Variants in PSD3 observed in about 807,000 individuals in gnomAD.
PSD3 encodes PH and SEC7 domain-containing protein 3.
Under a neutral mutation model 105.5 loss-of-function variants are expected in PSD3, and 49 were observed. The observed-to-expected ratio is 0.46, with a 90% CI of 0.37 to 0.59. The LOEUF is 0.59. Ranked by LOEUF, PSD3 falls within the 20% of genes least tolerant of loss-of-function variation. The pLI is 0.00. For missense variants in PSD3, 1,561 were observed against 1,263.8 expected (o/e 1.24, Z -3.57); for synonymous variants, 557 against 457.8 (o/e 1.22, Z -2.77).
intron 14 of PSD3, among the ~76,000 whole-genome samples, chr8:18,561,141 G>T (rs1054683330): frequency 6.6e-6 from 1 of 152,192 alleles, no homozygotes; most frequent in Non-Finnish European, 1.5e-5. Flanking sequence ...CATTCTCATG[G>T]TGAGACCATG....
Position 18,991,373 on chromosome 8 carries a change from T to C in PSD3, c.21+22190A>G, listed in dbSNP as rs62495927. ...ACACATACACACACACACACACACA[T>C]ACACACACACACACACACACACACA... On this transcript the variant is annotated intron_variant, in intron 1 of 15. Coordinates refer to ENST00000327040, the MANE Select transcript of PSD3 (RefSeq NM_015310.4). Among the ~76,000 whole-genome samples, 777 of 99,970 alleles carry C rather than the reference T, an allele frequency of 7.8e-3. 8 individuals are homozygous for C. The highest frequency in any genetic ancestry group is 0.02 in the African/African-American group (546 of 26,918). 65.6% of individuals were successfully genotyped at this position (99,970 alleles called of 152,430 possible). A position where few individuals can be genotyped will look rare whatever the true frequency, so the allele number is the denominator to read the frequency against.
At chr8:18,817,821 C>T (rs990305789) in intron 4 of PSD3, among the ~76,000 whole-genome samples, 2 of 152,096 alleles carry the variant, frequency 1.3e-5, no homozygotes, top group African/African-American at 2.4e-5. Flanking sequence ...TGGGGAGCAA[C>T]GTGAAAAAGT....
chr8:18,638,727 G>A (rs1163661683), intron 10 of PSD3, among the ~76,000 whole-genome samples: 1 of 151,876 alleles, frequency 6.6e-6, no homozygotes, highest in African/African-American at 2.4e-5. Context: ...TTTTTTATAG[G>A]GATAGAAAAA....
chr8:18,627,066 T>C (rs543817808), intron 11 of PSD3, among the ~76,000 whole-genome samples: 1 of 152,216 alleles, frequency 6.6e-6, no homozygotes, highest in South Asian at 2.1e-4. Flanking sequence ...TTAAAAAGTC[T>C]ATGTAAGTAT....
At position 18,949,247 on chromosome 8, in the gene PSD3, AT is replaced by A. The variant is rs1421602839; in HGVS notation, c.22-13106del. ...AAAAAAAAAAAAAAAAAAAAAAAAT[AT>A]ATATATATATATATATATATATATA... On this transcript the variant is annotated intron_variant, in intron 1 of 15. Coordinates refer to ENST00000327040, the MANE Select transcript of PSD3 (RefSeq NM_015310.4). Among the ~76,000 whole-genome samples the A allele has an allele frequency of 1.6e-3, 115 of 69,960 alleles. 2 individuals are homozygous for A. The highest frequency in any genetic ancestry group is 8.1e-3 in the African/African-American group (106 of 13,030). The allele number at this position is 69,960 out of a possible 152,430, so 45.9% of individuals were successfully genotyped here.
rs56156428 is a variant in PSD3 at position 18,679,012 on chromosome 8, TAACAAAA to T, written c.2173-23334_2173-23328del. Among the ~76,000 whole-genome samples, 14 of 151,260 alleles carry T rather than the reference TAACAAAA, an allele frequency of 9.3e-5. No individual in the cohort carries two copies. The East Asian group carries it at 9.8e-4, about 11-fold the overall frequency. On this transcript the variant is annotated intron_variant, in intron 9 of 15. Transcript: ENST00000327040. ...AAAATGTACTCCTTCAACTTAGGAA[TAACAAAA>T]ATATGTAAAGACATTTGCAAGAAAA...
chr8:18,649,637 T>C (rs1808321885), intron 10 of PSD3, among the ~76,000 whole-genome samples: 1 of 152,018 alleles, frequency 6.6e-6, no homozygotes, highest in Non-Finnish European at 1.5e-5. Context: ...GACATGAGAT[T>C]TTAGAGGCGC....
intron 1 of PSD3, among the ~76,000 whole-genome samples, chr8:19,027,676 C>A (rs1212577941): frequency 6.6e-6 from 1 of 152,122 alleles, no homozygotes; most frequent in Non-Finnish European, 1.5e-5. Flanking sequence ...TTTTATAATT[C>A]TGTATTAATA....
chr8:18,802,202 TA>T, intron 6 of PSD3: 1 of 221,528 alleles, frequency 4.5e-6, no homozygotes, highest in South Asian at 6.4e-5. Context: ...ATTTATTCCT[TA>T]CATAATGGAA....
intron 1 of PSD3, among the ~76,000 whole-genome samples, chr8:19,051,114 A>C (rs1828513666): frequency 6.6e-6 from 1 of 152,046 alleles, no homozygotes; most frequent in African/African-American, 2.4e-5. Context: ...ATCATGTCTC[A>C]CCTCTGCATA....
intron 2 of PSD3, among the ~76,000 whole-genome samples, chr8:18,933,512 G>C (rs1821883905): frequency 6.6e-6 from 1 of 152,036 alleles, no homozygotes; most frequent in Admixed American, 6.6e-5. Context: ...CAGTCATCCA[G>C]GCTGAAGTGC....
intron 1 of PSD3, among the ~76,000 whole-genome samples, chr8:18,975,194 C>T (rs967843115): frequency 6.6e-6 from 1 of 152,036 alleles, no homozygotes; most frequent in Admixed American, 6.6e-5. Context: ...GCCTAGTCCC[C>T]CCGTTTTCTA....
chr8:18,937,052 A>G (rs1217210858), intron 1 of PSD3, among the ~76,000 whole-genome samples: 1 of 152,216 alleles, frequency 6.6e-6, no homozygotes, highest in East Asian at 1.9e-4. Context: ...ATTTGAAACA[A>G]GAACTACAAA....
intron 4 of PSD3, among the ~76,000 whole-genome samples, chr8:18,812,861 T>C (rs1307582595): frequency 2.0e-5 from 3 of 152,124 alleles, no homozygotes; most frequent in Non-Finnish European, 4.4e-5. Flanking sequence ...ATGATCCTGA[T>C]GCACTGTCAG....
intron 13 of PSD3, among the ~76,000 whole-genome samples, chr8:18,574,707 GA>G (rs1444392533): frequency 2.0e-5 from 3 of 152,166 alleles, no homozygotes; most frequent in Non-Finnish European, 2.9e-5. Context: ...CTTCTCACTA[GA>G]ACTCTGTAAG....
chr8:18,703,970 C>T (rs1320003785), intron 9 of PSD3, among the ~76,000 whole-genome samples: 4 of 151,138 alleles, frequency 2.6e-5, no homozygotes, highest in Non-Finnish European at 5.9e-5. Flanking sequence ...GCAGCTGATC[C>T]ACGAAAAAGG....
intron 9 of PSD3, among the ~76,000 whole-genome samples, chr8:18,704,245 T>C (rs1229545356): frequency 1.3e-5 from 2 of 152,240 alleles, no homozygotes; most frequent in African/African-American, 2.4e-5. Context: ...TTTTTCTTAC[T>C]AGACTCTAAA....
intron 8 of PSD3, among the ~76,000 whole-genome samples, chr8:18,768,267 C>CAG (rs200099109): frequency 4.6e-5 from 7 of 151,580 alleles, no homozygotes; most frequent in African/African-American, 1.7e-4. Flanking sequence ...GCCTGAGCGA[C>CAG]AGAGAGAGAG....
chr8:18,661,257 C>T (rs989982149), intron 9 of PSD3, among the ~76,000 whole-genome samples: 4 of 152,086 alleles, frequency 2.6e-5, no homozygotes, highest in Non-Finnish European at 4.4e-5. Context: ...TGACAGTGAC[C>T]GCAGTGGAAT....
Sources: allele counts gnomAD v4.1 joint callset (sites outside exome capture counted in the v4.1 genomes callset), GRCh38; gene constraint gnomAD v4.1.1; transcripts MANE v1.5; gene names NCBI Gene and HGNC (gene_info 2026-07-23, HGNC 2026-07-21).